Variants in PCDH11X observed in about 807,000 individuals in gnomAD.
PCDH11X encodes protocadherin-11 X-linked.
A neutral mutation model predicts 53.3 loss-of-function variants in PCDH11X; 18 were observed. That is an observed-to-expected ratio of 0.34 (90% CI 0.23 to 0.50). The LOEUF (loss-of-function observed/expected upper bound fraction) is 0.50. Among genes scored for constraint, PCDH11X ranks in the 20% least tolerant of loss-of-function variants. PCDH11X has a pLI of 0.98. For missense variants in PCDH11X, 570 were observed against 1,032.4 expected, an observed-to-expected ratio of 0.55 and a Z score of 6.14; for synonymous variants, 279 against 393.3, an observed-to-expected ratio of 0.71 and a Z score of 3.44.
At chrX:92,489,748 A>C (rs1308017715) in intron 10 of PCDH11X, among the ~76,000 whole-genome samples, 1 of 105,337 alleles carries the variant, frequency 9.5e-6, no homozygotes, top group Non-Finnish European at 1.9e-5. Context: ...TATGCCACAA[A>C]ATTTATATAT....
At chrX:92,343,167 A>G (rs2069806368) in intron 8 of PCDH11X, among the ~76,000 whole-genome samples, 2 of 112,279 alleles carry the variant, frequency 1.8e-5, no homozygotes, top group Admixed American at 9.4e-5. Flanking sequence ...TCCATTTTCA[A>G]AATGGGTTTG....
intron 6 of PCDH11X, among the ~76,000 whole-genome samples, chrX:91,999,350 G>A (rs2062471431): frequency 9.0e-6 from 1 of 111,224 alleles, no homozygotes; most frequent in Admixed American, 9.7e-5. Flanking sequence ...TCTTTAAAGT[G>A]GGTTATTCCC....
chrX:91,966,500 G>T (rs967630683), intron 6 of PCDH11X, among the ~76,000 whole-genome samples: 1 of 108,782 alleles, frequency 9.2e-6, no homozygotes, highest in Non-Finnish European at 1.9e-5. Flanking sequence ...ACCTGTCGGG[G>T]GTGGGGGCTG....
intron 6 of PCDH11X, among the ~76,000 whole-genome samples, chrX:91,945,996 T>C (rs1297053768): frequency 1.8e-5 from 2 of 109,191 alleles, no homozygotes; most frequent in Non-Finnish European, 3.8e-5. Flanking sequence ...ATACTTTTAA[T>C]TGGGACACAC....
At chrX:91,993,602 C>G (rs981918941) in intron 6 of PCDH11X, among the ~76,000 whole-genome samples, 24 of 110,830 alleles carry the variant, frequency 2.2e-4, no homozygotes, top group African/African-American at 7.2e-4. Context: ...TTTTTCTCCC[C>G]CTCCTTTAGA....
At chrX:92,108,911 A>T (rs892080283) in intron 6 of PCDH11X, among the ~76,000 whole-genome samples, 10 of 111,687 alleles carry the variant, frequency 9.0e-5, no homozygotes, top group Non-Finnish European at 1.5e-4. Flanking sequence ...TAATACTGTA[A>T]CCGCCCAACG....
At chrX:91,995,849 T>C (rs1337063993) in intron 6 of PCDH11X, among the ~76,000 whole-genome samples, 5 of 104,566 alleles carry the variant, frequency 4.8e-5, no homozygotes, top group Non-Finnish European at 7.9e-5. Context: ...TTATCTTCTT[T>C]TTGTTTTTTT....
chrX:92,186,065 A>T (rs966956964), intron 6 of PCDH11X, among the ~76,000 whole-genome samples: 9 of 111,957 alleles, frequency 8.0e-5, no homozygotes, highest in Admixed American at 5.7e-4. Flanking sequence ...CCTCATGTTT[A>T]TTATAGCACT....
chrX:92,013,878 G>T (rs1366366202), intron 6 of PCDH11X, among the ~76,000 whole-genome samples: 35 of 111,293 alleles, frequency 3.1e-4, no homozygotes, highest in African/African-American at 9.1e-4. Context: ...ATACAAAAAT[G>T]AATTCAAGAT....
chrX:92,428,730 G>T (rs989517877), intron 9 of PCDH11X, among the ~76,000 whole-genome samples: 1 of 110,856 alleles, frequency 9.0e-6, no homozygotes, highest in Non-Finnish European at 1.9e-5. Flanking sequence ...CTTCCTAGAT[G>T]ATATACTTAA....
At chrX:92,212,324 TCTTATTTATTTA>T (rs1366803325) in intron 7 of PCDH11X, among the ~76,000 whole-genome samples, 2 of 111,174 alleles carry the variant, frequency 1.8e-5, no homozygotes, top group Non-Finnish European at 3.8e-5. Context: ...TGGAATGCTC[TCTTATTTATTTA>T]CTTATTTATT....
chrX:91,973,082 A>T (rs1372863078), intron 6 of PCDH11X, among the ~76,000 whole-genome samples: 7 of 106,977 alleles, frequency 6.5e-5, no homozygotes, highest in Admixed American at 5.0e-4. Flanking sequence ...ATGTGGCACA[A>T]ATACACCATG....
At chrX:92,422,247 T>C (rs2071988268) in intron 9 of PCDH11X, among the ~76,000 whole-genome samples, 1 of 108,860 alleles carries the variant, frequency 9.2e-6, no homozygotes, top group African/African-American at 3.4e-5. Flanking sequence ...TCTGAGATTT[T>C]GGTACACACA....
intron 10 of PCDH11X, among the ~76,000 whole-genome samples, chrX:92,482,947 C>T (rs1026041377): frequency 1.1e-4 from 12 of 110,434 alleles, no homozygotes; most frequent in African/African-American, 3.6e-4. Context: ...TATATTGTGT[C>T]TAACTTAAGT....
chrX:92,475,285 T>G (rs1053013323), intron 10 of PCDH11X, among the ~76,000 whole-genome samples: 1 of 110,402 alleles, frequency 9.1e-6, no homozygotes, highest in African/African-American at 3.3e-5. Context: ...TTTGTATGAA[T>G]TCTTGTTGCT....
intron 6 of PCDH11X, among the ~76,000 whole-genome samples, chrX:92,128,852 C>T (rs933912706): frequency 1.8e-5 from 2 of 110,369 alleles, no homozygotes; most frequent in African/African-American, 6.7e-5. Context: ...AAGAGGTTTT[C>T]TCAGGTGATA....
intron 5 of PCDH11X, among the ~76,000 whole-genome samples, chrX:91,841,258 G>A (rs886134451): frequency 2.8e-4 from 31 of 111,665 alleles, no homozygotes; most frequent in Non-Finnish European, 4.5e-4. Context: ...CAGAGTCTTG[G>A]TTAGTGTTCA....
chrX:92,286,285 A>T (rs959518530), intron 8 of PCDH11X, among the ~76,000 whole-genome samples: 3 of 109,208 alleles, frequency 2.7e-5, no homozygotes, highest in African/African-American at 1.0e-4. Context: ...CCAGGAAAAA[A>T]TTATTTAATG....
In PCDH11X at chrX:91,976,201, C is replaced by T. The variant is rs374394335; in HGVS notation, c.3033+96928C>T. 3.5e-4 allele frequency among the ~76,000 whole-genome samples: 39 copies of T among 111,329 alleles called. No individual in the cohort carries two copies. In the East Asian group the frequency reaches 0.011, roughly 30 times the overall value. On this transcript the variant is annotated intron_variant, in intron 6 of 10. Coordinates refer to ENST00000682573, the MANE Select transcript of PCDH11X (RefSeq NM_032968.5). ...CTGAGTAGCTGGGACTACAGGCATGCGCCACCACACCCGGCTCATATTTAT... is the reference window on the plus strand; with the variant it reads ...CTGAGTAGCTGGGACTACAGGCATGTGCCACCACACCCGGCTCATATTTAT...
Sources: allele counts gnomAD v4.1 joint callset (sites outside exome capture counted in the v4.1 genomes callset), GRCh38; gene constraint gnomAD v4.1.1; transcripts MANE v1.5; gene names NCBI Gene and HGNC (gene_info 2026-07-23, HGNC 2026-07-21).